Variants in ARHGAP39 observed in about 807,000 individuals in gnomAD.
ARHGAP39 encodes Rho GTPase activating protein 39, also known as rho GTPase-activating protein 39.
Under a neutral mutation model 106.9 loss-of-function variants are expected in ARHGAP39, and 44 were observed. The ratio of observed to expected loss-of-function variants is 0.41; its 90% CI spans 0.32 to 0.53. ARHGAP39 has a LOEUF of 0.53. Among genes scored for constraint, ARHGAP39 ranks in the 20% least tolerant of loss-of-function variants. ARHGAP39 has a pLI of 0.21. For missense variants in ARHGAP39, 1,496 were observed against 1,577.3 expected, an observed-to-expected ratio of 0.95 and a Z score of 0.87; for synonymous variants, 768 against 693.2, an observed-to-expected ratio of 1.11 and a Z score of -1.69.
chr8:144,581,163 G>T lies in ARHGAP39; in HGVS notation c.195C>A (p.Ser65Arg). ...PPAGVRIKRT[S>R]ENQWWELFDP... ...CGAACAGCTCCCACCACTGGTTCTCGCTGGTGCGCTTGATGCGGACGCCGG... is the reference window on the plus strand; with the variant it reads ...CGAACAGCTCCCACCACTGGTTCTCTCTGGTGCGCTTGATGCGGACGCCGG... Residue 65 changes from serine to arginine, a missense_variant, in exon 3 of 12, where the codon AGC becomes AGA. This residue lies in a region of ARHGAP39 where 96 missense variants were observed against 107.9 expected (regional missense o/e 0.89). Transcript: ENST00000377307. 1 of 1,572,272 alleles carries T rather than the reference G, an allele frequency of 6.4e-7. No individual in the cohort carries two copies. Among genetic ancestry groups the T allele is most frequent in the Non-Finnish European group, 8.6e-7 (1 of 1,159,358 alleles).
upstream of ARHGAP39, among the ~76,000 whole-genome samples, chr8:144,686,451 C>T (rs2129788683): frequency 6.6e-6 from 1 of 152,308 alleles, no homozygotes; most frequent in Non-Finnish European, 1.5e-5. Flanking sequence ...TTGAATCTGA[C>T]TGGCATTTCT....
At chr8:144,648,867 A>C (rs1298666480) in intron 1 of ARHGAP39, among the ~76,000 whole-genome samples, 7 of 151,828 alleles carry the variant, frequency 4.6e-5, no homozygotes, top group Non-Finnish European at 7.4e-5. Context: ...TTAAGAGGGA[A>C]ATTCATAGCA....
the ARHGAP39 span, among the ~76,000 whole-genome samples, chr8:144,696,438 G>A: frequency 8.5e-5 from 13 of 152,058 alleles, no homozygotes; most frequent in South Asian, 1.0e-3. Context: ...GCACCTGGCC[G>A]TGCCCCAGTT....
chr8:144,578,216 A>G (rs1425555295), intron 3 of ARHGAP39, among the ~76,000 whole-genome samples: 1 of 152,198 alleles, frequency 6.6e-6, no homozygotes, highest in Non-Finnish European at 1.5e-5. Flanking sequence ...ACCCAAATCT[A>G]TGACAGGTCA....
At chr8:144,687,215 C>T (rs1336005793), upstream of ARHGAP39, among the ~76,000 whole-genome samples, 56 of 8,252 alleles carry the variant, frequency 6.8e-3, 1 homozygote, top group Non-Finnish European at 7.6e-3. Context: ...ACACTGGCGG[C>T]GACCATTTCC....
At chr8:144,532,140 G>A (rs1270082083) in intron 10 of ARHGAP39, among the ~76,000 whole-genome samples, 165 bp downstream of exon 10, 3 of 152,060 alleles carry the variant, frequency 2.0e-5, no homozygotes, top group African/African-American at 7.3e-5. Context: ...GCAGACACCT[G>A]GGGAAACTGT....
chr8:144,648,166 C>A (rs943378607), intron 1 of ARHGAP39, among the ~76,000 whole-genome samples: 7 of 152,044 alleles, frequency 4.6e-5, no homozygotes, highest in Non-Finnish European at 1.0e-4. Flanking sequence ...GCTCCACGGC[C>A]CCAGCTGCTC....
Position 144,644,429 on chromosome 8 carries a change from T to A in ARHGAP39, c.-81-38734A>T, listed in dbSNP as rs919759516. 2.0e-5 allele frequency among the ~76,000 whole-genome samples: 3 copies of A among 152,122 alleles called. No individual in the cohort carries two copies. Among genetic ancestry groups the A allele is most frequent in the Non-Finnish European group, 4.4e-5 (3 of 68,020 alleles). Reference sequence around the variant, plus strand: ...CGGGGCTGGGCACAAAGCAGCAGCATCTTCTAGGTGATGGAAATGCTCAAC... The same window carrying A: ...CGGGGCTGGGCACAAAGCAGCAGCAACTTCTAGGTGATGGAAATGCTCAAC... On this transcript the variant is annotated intron_variant, in intron 1 of 11. Coordinates refer to ENST00000377307, the MANE Select transcript of ARHGAP39 (RefSeq NM_025251.3). The surrounding 1 kb of genome is among the most constrained non-coding windows in gnomAD (Gnocchi z 4.8).
At chr8:144,562,911 G>C (rs1818255881) in intron 3 of ARHGAP39, among the ~76,000 whole-genome samples, 1 of 152,266 alleles carries the variant, frequency 6.6e-6, no homozygotes, top group Non-Finnish European at 1.5e-5. Flanking sequence ...GGTTTCCTTG[G>C]CTCTTGATGA....
Position 144,670,225 on chromosome 8 carries a change from G to A in ARHGAP39, c.-82+15461C>T, listed in dbSNP as rs893871189. 5.9e-5 allele frequency among the ~76,000 whole-genome samples: 9 copies of A among 152,176 alleles called. No homozygotes were observed. The highest frequency in any genetic ancestry group is 1.4e-4 in the African/African-American group (6 of 41,442). On this transcript the variant is annotated intron_variant, in intron 1 of 11. Transcript: ENST00000377307. This position sits in a 1 kb window ranked among gnomAD's most constrained non-coding sequence, Gnocchi z 4.4. Reference sequence around the variant, plus strand: ...GCTCGGACGCATGCTAGAGCGTACCGGGAAGCTGGATGAGGGCCTGGGACC... The same window carrying A: ...GCTCGGACGCATGCTAGAGCGTACCAGGAAGCTGGATGAGGGCCTGGGACC...
At chr8:144,700,088 T>C in the ARHGAP39 span, among the ~76,000 whole-genome samples, 1 of 152,202 alleles carries the variant, frequency 6.6e-6, no homozygotes, top group Non-Finnish European at 1.5e-5. The surrounding 1 kb of genome is among the most constrained non-coding windows in gnomAD (Gnocchi z 5.6). Context: ...CCCCGTTCCC[T>C]GTCCGTCACC....
intron 1 of ARHGAP39, among the ~76,000 whole-genome samples, chr8:144,626,689 TC>T (rs750748622): frequency 2.6e-5 from 4 of 152,162 alleles, no homozygotes; most frequent in Non-Finnish European, 5.9e-5. Flanking sequence ...AGTCCTGACC[TC>T]CCCACGTACA....
chr8:144,602,286 CGT>C (rs150246043), intron 2 of ARHGAP39, among the ~76,000 whole-genome samples: 16 of 75,016 alleles, frequency 2.1e-4, no homozygotes, highest in Admixed American at 1.1e-3. Context: ...TGCGTGGAGG[CGT>C]GTGTGCTCGT....
At chr8:144,530,653 GGCGGGGCGGGGA>G in intron 11 of ARHGAP39, 37 bp from the exon 12 acceptor site, 1 of 1,517,956 alleles carries the variant, frequency 6.6e-7, no homozygotes, top group Non-Finnish European at 8.9e-7. Flanking sequence ...GAGGGGCGGG[GGCGGGGCGGGGA>G]GGGGAAAGCA....
At chr8:144,642,210 T>C (rs565906256) in intron 1 of ARHGAP39, among the ~76,000 whole-genome samples, 1 of 152,236 alleles carries the variant, frequency 6.6e-6, no homozygotes, top group East Asian at 1.9e-4. Flanking sequence ...GTGGGCTGGG[T>C]GCAGTGGCTC....
chr8:144,635,974 T>C (rs1821164269), intron 1 of ARHGAP39, among the ~76,000 whole-genome samples: 1 of 22,096 alleles, frequency 4.5e-5, no homozygotes, highest in South Asian at 3.6e-3. Context: ...AGGTAGACAG[T>C]GTGGGGACTG....
chr8:144,582,254 G>A (rs1441568420), intron 2 of ARHGAP39, among the ~76,000 whole-genome samples: 5 of 152,180 alleles, frequency 3.3e-5, no homozygotes, highest in South Asian at 2.1e-4. Flanking sequence ...CCTGGCGGCC[G>A]GCGCAGACTG....
chr8:144,697,051 G>A, the ARHGAP39 span, among the ~76,000 whole-genome samples: 6,844 of 152,170 alleles, frequency 0.045, 535 homozygotes, highest in African/African-American at 0.16. Flanking sequence ...CTGGTCGGGC[G>A]CGGTGGCTCA....
At chr8:144,615,915 A>G (rs540339676) in intron 1 of ARHGAP39, among the ~76,000 whole-genome samples, 1 of 152,342 alleles carries the variant, frequency 6.6e-6, no homozygotes, top group South Asian at 2.1e-4. Flanking sequence ...CTGCTCCAGG[A>G]CAGGCCAGGT....
Sources: allele counts gnomAD v4.1 joint callset (sites outside exome capture counted in the v4.1 genomes callset), GRCh38; gene constraint gnomAD v4.1.1; regional missense constraint gnomAD v4.1.1; non-coding constraint Gnocchi (gnomAD v3.1); transcripts MANE v1.5; gene names NCBI Gene and HGNC (gene_info 2026-07-23, HGNC 2026-07-21).